Variants in APLP2 observed in about 807,000 individuals in gnomAD.
APLP2 encodes CDEI box-binding protein.
A neutral mutation model predicts 89.9 loss-of-function variants in APLP2; 53 were observed. That is an observed-to-expected ratio of 0.59 (90% confidence interval 0.47 to 0.74). The LOEUF is 0.74. Among genes scored for constraint, APLP2 ranks in the 30% least tolerant of loss-of-function variants. The pLI is 0.00. For synonymous variants in APLP2, 372 were observed against 348.6 expected, an observed-to-expected ratio of 1.07 and a Z score of -0.75; for missense variants, 973 against 975.9, an observed-to-expected ratio of 1.00 and a Z score of 0.04.
chr11:130,115,731 G>C lies in APLP2; in HGVS notation c.404-4975G>C, dbSNP rs143695596. 2.6e-3 allele frequency among the ~76,000 whole-genome samples: 399 copies of C among 152,306 alleles called. 2 individuals carry two copies. The highest frequency in any genetic ancestry group is 9.0e-3 in the African/African-American group (374 of 41,572). On this transcript the variant is annotated intron_variant, in intron 3 of 16. Transcript: ENST00000338167. ...ACCATTTTCAATGTTCTGTAAAACA[G>C]AGTAATACTGATCTGCCTAGGTAAA...
chr11:130,121,569 T>C (rs1411491010), intron 4 of APLP2, 45 bp from the exon 5 acceptor site: 1 of 1,551,196 alleles, frequency 6.4e-7, no homozygotes, highest in East Asian at 2.3e-5. Context: ...TTTGACCACG[T>C]TTACTCTGGA....
At position 130,107,839 on chromosome 11, in the gene APLP2, A is replaced by G. The variant is rs1283904042; in HGVS notation, c.106-1590A>G. Among the ~76,000 whole-genome samples the G allele has an allele frequency of 3.3e-5, 5 of 152,246 alleles. No homozygotes were observed. The East Asian group carries it at 9.6e-4, about 29-fold the overall frequency. Reference sequence around the variant, plus strand: ...ATACTTCAATGCTACAGTAAGCAAAACAGCATGGTACTGGTACCAAAGCAG... The same window carrying G: ...ATACTTCAATGCTACAGTAAGCAAAGCAGCATGGTACTGGTACCAAAGCAG... On this transcript the variant is annotated intron_variant, in intron 1 of 16. Coordinates refer to ENST00000338167, the MANE Select transcript of APLP2 (RefSeq NM_001142276.2).
chr11:130,082,818 A>AG, intron 1 of APLP2: 1 of 161,142 alleles, frequency 6.2e-6, no homozygotes, highest in Non-Finnish European at 1.4e-5. Context: ...AGAAAGAGAG[A>AG]GGGGGGAAGC....
At position 130,143,361 on chromosome 11, in the gene APLP2, C is replaced by T. The variant is rs745958507; in HGVS notation, c.2169C>T (p.Leu723=). Residue 723 remains leucine (L), a synonymous_variant, in exon 17 of 17, where the codon CTC becomes CTT. Coordinates refer to ENST00000338167, the MANE Select transcript of APLP2 (RefSeq NM_001142276.2). ...SHGIVEVDPM[L]TPEERHLNKM... is the part of the protein sequence containing the mutation. The stretch of plus-strand genomic sequence containing the variant: ...TGTTCTTCCAGGTTGATCCAATGCT[C>T]ACCCCAGAAGAGCGTCACCTGAACA... The T allele has an allele frequency of 8.1e-6, 13 of 1,613,954 alleles. No homozygotes were observed. The highest frequency in any genetic ancestry group is 4.4e-5 in the South Asian group (4 of 91,084).
At chr11:130,142,482 A>G (rs1952540800) in intron 16 of APLP2, among the ~76,000 whole-genome samples, 1 of 151,970 alleles carries the variant, frequency 6.6e-6, no homozygotes, top group African/African-American at 2.4e-5. Flanking sequence ...TTGTCTTGCC[A>G]CTCACTCCTT....
intron 3 of APLP2, among the ~76,000 whole-genome samples, chr11:130,112,624 C>T (rs1948728581): frequency 6.6e-6 from 1 of 152,182 alleles, no homozygotes; most frequent in Non-Finnish European, 1.5e-5. Context: ...CCTCTTCCTG[C>T]ATCAGATTCC....
chr11:130,073,710 G>A (rs1302341139), intron 1 of APLP2, among the ~76,000 whole-genome samples: 3 of 152,068 alleles, frequency 2.0e-5, no homozygotes, highest in South Asian at 2.1e-4. Context: ...GCGAGATGGC[G>A]TGCGCCTGTA....
At chr11:130,091,504 C>T (rs1945181512) in intron 1 of APLP2, among the ~76,000 whole-genome samples, 2 of 140,192 alleles carry the variant, frequency 1.4e-5, no homozygotes, top group Admixed American at 6.8e-5. Context: ...CTGACCCCCC[C>T]ACCTCCCTCC....
intron 2 of APLP2, chr11:130,109,898 C>A (rs976402130): frequency 3.3e-6 from 1 of 306,556 alleles, no homozygotes; most frequent in Non-Finnish European, 5.9e-6. Flanking sequence ...AGATGGAAAA[C>A]AAAACATGTC....
At chr11:130,125,236 C>T (rs745551282) in intron 7 of APLP2, among the ~76,000 whole-genome samples, 3 of 152,178 alleles carry the variant, frequency 2.0e-5, no homozygotes, top group Admixed American at 6.5e-5. Context: ...AAAAGCATTT[C>T]GGCCCGCTGT....
At chr11:130,109,654 A>T in intron 2 of APLP2, 52 bp downstream of exon 2, 1 of 1,554,514 alleles carries the variant, frequency 6.4e-7, no homozygotes, top group Non-Finnish European at 8.7e-7. Flanking sequence ...GGCAGGGTTG[A>T]ATCTGTTTAC....
chr11:130,108,199 G>C (rs1261356314), intron 1 of APLP2, among the ~76,000 whole-genome samples: 8 of 152,172 alleles, frequency 5.3e-5, no homozygotes, highest in Non-Finnish European at 1.0e-4. Context: ...GGCAACCAAA[G>C]CCAAAATTGA....
rs768916094 is a variant in APLP2, at chr11:130,129,154, G to C, written c.1403G>C (p.Arg468Pro). 6.2e-7 allele frequency: 1 copy of C among 1,614,196 alleles called. No homozygotes were observed. The highest frequency in any genetic ancestry group is 1.1e-5 in the South Asian group (1 of 91,090). The stretch of plus-strand genomic sequence containing the variant: ...GTGGAAGCTATGCTGAATGACCGCC[G>C]TCGGATGGCTCTGGAGAACTACCTG... ...ARVEAMLNDR[R>P]RMALENYLAA... The change falls in exon 10 of 17, where the codon CGT (arginine) becomes CCT (proline). Residue 468 changes from arginine (R) to proline (P), a missense_variant. Transcript: ENST00000338167.
At chr11:130,132,042 AC>A (rs1289719197) in intron 11 of APLP2, among the ~76,000 whole-genome samples, 1 of 151,992 alleles carries the variant, frequency 6.6e-6, no homozygotes, top group Non-Finnish European at 1.5e-5. Flanking sequence ...TGGTGCTTTT[AC>A]CCCCATACTA....
intron 1 of APLP2, among the ~76,000 whole-genome samples, chr11:130,105,149 A>G (rs896244050): frequency 1.3e-5 from 2 of 152,234 alleles, no homozygotes; most frequent in Admixed American, 6.5e-5. Context: ...GTAGTATCTC[A>G]TGCTTAGGAT....
intron 1 of APLP2, among the ~76,000 whole-genome samples, chr11:130,073,061 G>C (rs11824832): frequency 6.6e-6 from 1 of 152,038 alleles, no homozygotes; most frequent in African/African-American, 2.4e-5. Flanking sequence ...TTGGTTATGC[G>C]AATTTACTTT....
chr11:130,109,720 C>A, intron 2 of APLP2, 118 bp downstream of exon 2: 1 of 1,129,082 alleles, frequency 8.9e-7, no homozygotes, highest in Non-Finnish European at 1.2e-6. Context: ...ATGCTAATGA[C>A]TGGAGCCCCA....
intron 1 of APLP2, among the ~76,000 whole-genome samples, chr11:130,071,707 G>A (rs537919381): frequency 3.2e-4 from 48 of 152,312 alleles, no homozygotes; most frequent in Non-Finnish European, 5.4e-4. Flanking sequence ...AGAATTCATT[G>A]TTGTGTGTTA....
intron 3 of APLP2, among the ~76,000 whole-genome samples, chr11:130,111,422 A>C (rs1948542132): frequency 6.6e-6 from 1 of 152,216 alleles, no homozygotes; most frequent in Admixed American, 6.5e-5. Flanking sequence ...TGATGGGATT[A>C]AAGTAGATAC....
Sources: allele counts gnomAD v4.1 joint callset (sites outside exome capture counted in the v4.1 genomes callset), GRCh38; gene constraint gnomAD v4.1.1; transcripts MANE v1.5; gene names NCBI Gene and HGNC (gene_info 2026-07-23, HGNC 2026-07-21).